The following FAM184A variants were observed in gnomAD, a reference collection of about 807,000 sequenced individuals.
The protein encoded by FAM184A is family with sequence similarity 184 member A.
Under a neutral mutation model 143.8 loss-of-function variants are expected in FAM184A, and 99 were observed. The ratio of observed to expected loss-of-function variants is 0.69; its 90% CI spans 0.58 to 0.81. FAM184A has a LOEUF of 0.81. Among genes scored for constraint, FAM184A ranks in the 40% least tolerant of loss-of-function variants. FAM184A has a pLI of 0.00. For synonymous variants in FAM184A, 427 were observed against 446.4 expected, an observed-to-expected ratio of 0.96 and a Z score of 0.55; for missense variants, 1,217 against 1,310.5, an observed-to-expected ratio of 0.93 and a Z score of 1.10.
chr6:119,025,735 TCCCCCGG>T, intron 1 of FAM184A: 1 of 419,220 alleles, frequency 2.4e-6, no homozygotes, highest in Admixed American at 3.1e-5. Context: ...CCCACTTTCT[TCCCCCGG>T]AAGCGAAAAG....
intron 1 of FAM184A, among the ~76,000 whole-genome samples, chr6:119,104,545 G>A (rs1357082156): frequency 6.6e-6 from 1 of 152,156 alleles, no homozygotes; most frequent in Non-Finnish European, 1.5e-5. Flanking sequence ...CACGCAAATA[G>A]TATCACACAG....
At chr6:118,962,159 A>C (rs979291676) in intron 16 of FAM184A, 196 bp from the exon 17 acceptor site, 1 of 586,332 alleles carries the variant, frequency 1.7e-6, no homozygotes, top group Middle Eastern at 4.6e-4. Context: ...GGAATCCTCA[A>C]AGACAGACAT....
intron 1 of FAM184A, among the ~76,000 whole-genome samples, chr6:119,118,717 A>G (rs1372164640): frequency 6.6e-6 from 1 of 152,038 alleles, no homozygotes; most frequent in Admixed American, 6.6e-5. Context: ...GCTGAGGAGG[A>G]TGTATGTCAT....
chr6:119,125,695 CT>C (rs1372221535), intron 1 of FAM184A, among the ~76,000 whole-genome samples: 1 of 152,198 alleles, frequency 6.6e-6, no homozygotes, highest in East Asian at 1.9e-4. Flanking sequence ...TGGCAGACTA[CT>C]TTTACATTCC....
Position 119,006,568 on chromosome 6 carries a change from C to T in FAM184A, c.1694G>A (p.Gly565Asp), listed in dbSNP as rs372212336. ...LQDMVRKSEQGLGSAEGLIAS... is the reference protein window; with the variant it reads ...LQDMVRKSEQDLGSAEGLIAS... The stretch of plus-strand genomic sequence containing the variant: ...AATAAGTCCTTCTGCAGAGCCAAGA[C>T]CTTGTTCACTTTTCCTTACCATATC... Residue 565 changes from glycine to aspartate, a missense_variant, in exon 7 of 18, where the codon GGT (glycine) becomes GAT (aspartate). Physicochemically the swap from Gly to Asp is moderately conservative, Grantham distance 94. Transcript: ENST00000338891. The T allele has an allele frequency of 2.2e-5, 36 of 1,613,528 alleles. No homozygotes were observed. The highest frequency in any genetic ancestry group is 3.1e-5 in the Non-Finnish European group (36 of 1,179,828).
At chr6:119,023,566 C>G (rs7743920) in intron 2 of FAM184A, among the ~76,000 whole-genome samples, 2,012 of 99,692 alleles carry the variant, frequency 0.02, 67 homozygotes, top group Non-Finnish European at 0.03. Flanking sequence ...CCCCCCCCCC[C>G]AGGAACAGCG....
At chr6:119,033,571 C>A (rs2797357) in intron 1 of FAM184A, among the ~76,000 whole-genome samples, 145,308 of 151,832 alleles carry the variant, frequency 0.96, 69,633 homozygotes, top group African/African-American at 0.97. Context: ...AGGCTGAGGC[C>A]GGAGAATCGC....
chr6:119,067,700 T>C (rs910982708), intron 1 of FAM184A, among the ~76,000 whole-genome samples: 1 of 152,196 alleles, frequency 6.6e-6, no homozygotes, highest in African/African-American at 2.4e-5. Context: ...GTATTCTCCC[T>C]AGACCATGCA....
chr6:119,099,455 G>A (rs546616267), intron 1 of FAM184A, among the ~76,000 whole-genome samples: 1 of 152,276 alleles, frequency 6.6e-6, no homozygotes, highest in South Asian at 2.1e-4. Context: ...CTTGGGGGAA[G>A]AGCTTCCAGT....
chr6:119,088,574 T>G (rs1250439303), intron 1 of FAM184A, among the ~76,000 whole-genome samples: 1 of 152,170 alleles, frequency 6.6e-6, no homozygotes, highest in Non-Finnish European at 1.5e-5. Flanking sequence ...ATACTAAATA[T>G]CTACAAAAGC....
chr6:119,025,532 GT>G, intron 1 of FAM184A: 1 of 518,752 alleles, frequency 1.9e-6, no homozygotes, highest in South Asian at 1.4e-5. Context: ...TTGAGTACAG[GT>G]CTTTATTTTC....
At chr6:118,981,785 T>C (rs1350956988) in intron 9 of FAM184A, among the ~76,000 whole-genome samples, 3 of 152,344 alleles carry the variant, frequency 2.0e-5, no homozygotes, top group East Asian at 3.9e-4. Flanking sequence ...TATGGCTTTA[T>C]GGAAACAGTC....
intron 1 of FAM184A, among the ~76,000 whole-genome samples, chr6:119,029,637 T>A (rs1785797297): frequency 1.3e-5 from 2 of 152,086 alleles, no homozygotes; most frequent in South Asian, 4.2e-4. Context: ...AAAGGTGAAA[T>A]TTAAAAAGAA....
At chr6:119,134,772 T>A (rs1789621480) in intron 1 of FAM184A, among the ~76,000 whole-genome samples, 1 of 151,780 alleles carries the variant, frequency 6.6e-6, no homozygotes, top group Non-Finnish European at 1.5e-5. Context: ...GGCAGAAGAG[T>A]TAACAGAATG....
chr6:119,138,167 G>A (rs1772087406), intron 1 of FAM184A, among the ~76,000 whole-genome samples: 1 of 152,228 alleles, frequency 6.6e-6, no homozygotes, highest in African/African-American at 2.4e-5. Flanking sequence ...AGGATTGGGG[G>A]AGTGCAGTTG....
chr6:119,097,848 C>G (rs1012425142), intron 1 of FAM184A, among the ~76,000 whole-genome samples: 1 of 152,166 alleles, frequency 6.6e-6, no homozygotes, highest in Non-Finnish European at 1.5e-5. Flanking sequence ...AAAATATACT[C>G]TAATCTTTCC....
chr6:119,142,592 G>A (rs9401129), intron 1 of FAM184A, among the ~76,000 whole-genome samples: 45,963 of 152,036 alleles, frequency 0.3, 7,384 homozygotes, highest in East Asian at 0.51. Flanking sequence ...GGAGAAGGAC[G>A]TTCTTGCATT....
intron 1 of FAM184A, among the ~76,000 whole-genome samples, chr6:119,095,627 T>C (rs993455600): frequency 6.6e-6 from 1 of 152,162 alleles, no homozygotes; most frequent in Non-Finnish European, 1.5e-5. Context: ...GGTGTGATCA[T>C]AGCTCACTGC....
chr6:118,984,134 T>C (rs1784106113), intron 9 of FAM184A, among the ~76,000 whole-genome samples: 1 of 132,740 alleles, frequency 7.5e-6, no homozygotes. Flanking sequence ...TGGGCAATGA[T>C]AACGAAACTC....
Sources: gnomAD v4.1 joint callset for allele counts (sites outside exome capture counted in the v4.1 genomes callset) on GRCh38, gnomAD v4.1.1 for gene constraint, MANE v1.5 for transcripts, NCBI Gene and HGNC (gene_info 2026-07-23, HGNC 2026-07-21) for gene names.